Variants in SEC31A observed in about 807,000 individuals in gnomAD.
SEC31A encodes the protein SEC31 homolog A, COPII component.
Under a neutral mutation model 151.0 loss-of-function variants are expected in SEC31A, and 70 were observed. That is an observed-to-expected ratio of 0.46 (90% CI 0.38 to 0.57). The LOEUF (loss-of-function observed/expected upper bound fraction) is 0.57. SEC31A is among the 20% of genes least tolerant of loss of function. The pLI is 0.00. For missense variants in SEC31A, 1,330 were observed against 1,471.2 expected (o/e 0.90, Z 1.57); for synonymous variants, 475 against 505.9 (o/e 0.94, Z 0.82).
At chr4:82,845,262 C>CT (rs1729809147) in intron 20 of SEC31A, 1 of 1,533,508 alleles carries the variant, frequency 6.5e-7, no homozygotes, top group Non-Finnish European at 8.7e-7. Flanking sequence ...AGTTTTGTTA[C>CT]TCCAGGTAGT....
chr4:82,868,316 T>C (rs1022445747), intron 8 of SEC31A, among the ~76,000 whole-genome samples: 1 of 151,750 alleles, frequency 6.6e-6, no homozygotes, highest in Non-Finnish European at 1.5e-5. Context: ...ATGGGGAACA[T>C]GGCAAAACCC....
chr4:82,843,297 C>T (rs1729331917), intron 21 of SEC31A, among the ~76,000 whole-genome samples: 3 of 152,148 alleles, frequency 2.0e-5, no homozygotes, highest in African/African-American at 4.8e-5. Context: ...CCACACCCAC[C>T]TAATTTTTAC....
chr4:82,891,799 T>C (rs956858885), upstream of SEC31A, among the ~76,000 whole-genome samples: 1 of 152,252 alleles, frequency 6.6e-6, no homozygotes, highest in African/African-American at 2.4e-5. Flanking sequence ...ACTCACCTTC[T>C]GCCACTGTTT....
rs35739017 is a variant in SEC31A at position 82,827,497 on chromosome 4, G to T, written c.3163C>A (p.Pro1055Thr). 2,167 of 1,614,218 alleles carry T rather than the reference G, an allele frequency of 1.3e-3. 37 individuals carry two copies. The African/African-American group carries it at 0.026, about 20-fold the overall frequency. ...PLSSQSSFPQ[P>T]HLPGGQPFHG... is the part of the protein sequence containing the mutation. ...AAGGGCTGGCCACCTGGAAGATGTG[G>T]CTGTGGGAATGAAGACTGGCTTGAC... Residue 1055 changes from proline to threonine, a missense_variant, in exon 24 of 27, where the codon CCA becomes ACA. Physicochemically the swap from Pro to Thr is conservative, Grantham distance 38. Coordinates refer to ENST00000395310, the MANE Select transcript of SEC31A (RefSeq NM_001077207.4).
At chr4:82,873,852 A>C (rs923827934) in intron 6 of SEC31A, among the ~76,000 whole-genome samples, 1 of 152,218 alleles carries the variant, frequency 6.6e-6, no homozygotes, top group Non-Finnish European at 1.5e-5. Context: ...AATGTGCTCT[A>C]TGGGTAAGTG....
At chr4:82,829,080 G>A (rs978766054) in intron 22 of SEC31A, 22 bp from the exon 23 acceptor site, 6 of 1,596,882 alleles carry the variant, frequency 3.8e-6, no homozygotes, top group Non-Finnish European at 5.1e-6. Flanking sequence ...AACAGAGAAT[G>A]TTTTCCTTTA....
chr4:82,891,326 G>T, upstream of SEC31A: 1 of 766,834 alleles, frequency 1.3e-6, no homozygotes, highest in Non-Finnish European at 2.1e-6. Context: ...TGGGAGGCGG[G>T]GTACGGCTCC....
rs1005431593 is a variant in SEC31A at position 82,818,547 on chromosome 4, G to A, written c.*527C>T. 2.0e-5 allele frequency: 3 copies of A among 152,180 alleles called. No individual in the cohort carries two copies. The highest frequency in any genetic ancestry group is 3.8e-4 in the East Asian group (2 of 5,196). 9.4% of individuals were successfully genotyped at this position (152,180 alleles called of 1,614,324 possible). ...AGTGATCCCATTTTTATTAATATCTGCTAAAACCCATGTAGCAGTTTGTAG... is the reference window on the plus strand; with the variant it reads ...AGTGATCCCATTTTTATTAATATCTACTAAAACCCATGTAGCAGTTTGTAG... On this transcript the variant is annotated 3_prime_UTR_variant, in exon 27 of 27. Transcript: ENST00000395310.
At chr4:82,871,394 C>T (rs1267639467) in intron 7 of SEC31A, 1 of 1,525,360 alleles carries the variant, frequency 6.6e-7, no homozygotes, top group Non-Finnish European at 8.8e-7. Flanking sequence ...AATCTAACTG[C>T]AGTAAGTCGT....
intron 24 of SEC31A, among the ~76,000 whole-genome samples, chr4:82,825,459 G>C (rs1008589449): frequency 2.6e-5 from 4 of 152,216 alleles, no homozygotes; most frequent in Non-Finnish European, 5.9e-5. Context: ...GAAGGGAAGG[G>C]AAGGCTCTCT....
intron 22 of SEC31A, among the ~76,000 whole-genome samples, chr4:82,841,864 C>T (rs1395282573): frequency 4.7e-5 from 7 of 150,264 alleles, no homozygotes; most frequent in African/African-American, 9.8e-5. Flanking sequence ...CCCAGCTACT[C>T]GGGAGGCTGA....
intron 25 of SEC31A, among the ~76,000 whole-genome samples, chr4:82,823,543 A>G (rs2148939952): frequency 6.6e-6 from 1 of 152,354 alleles, no homozygotes; most frequent in East Asian, 1.9e-4. Context: ...AATAAGATCT[A>G]GAAGATGTTT....
chr4:82,855,253 T>G (rs1732377623), intron 16 of SEC31A, among the ~76,000 whole-genome samples: 1 of 151,982 alleles, frequency 6.6e-6, no homozygotes, highest in Non-Finnish European at 1.5e-5. Context: ...GAAGGAAAAA[T>G]ATAAGGTGCT....
chr4:82,895,379 A>G (rs1039723588), upstream of SEC31A: 1 of 152,260 alleles, frequency 6.6e-6, no homozygotes, highest in African/African-American at 2.4e-5. Context: ...CTGGGCCACA[A>G]TAACTATTTG....
chr4:82,892,274 GT>G (rs1465720920), upstream of SEC31A, among the ~76,000 whole-genome samples: 2 of 152,198 alleles, frequency 1.3e-5, no homozygotes, highest in Non-Finnish European at 2.9e-5. Context: ...ATTGGGATTT[GT>G]TTTTGATTAG....
chr4:82,859,142 C>T (rs1733489422), intron 14 of SEC31A, among the ~76,000 whole-genome samples: 2 of 151,288 alleles, frequency 1.3e-5, no homozygotes, highest in Admixed American at 1.3e-4. Context: ...AAAAAAAAAT[C>T]ACATGGTACC....
intron 19 of SEC31A, among the ~76,000 whole-genome samples, chr4:82,850,675 C>A (rs891161653): frequency 6.6e-6 from 1 of 152,168 alleles, no homozygotes; most frequent in Non-Finnish European, 1.5e-5. Context: ...CTCACCCGTA[C>A]TTTTACCCAT....
chr4:82,870,403 C>T lies in SEC31A; in HGVS notation c.804G>A (p.Trp268Ter). ...GTAACAATTCAGGATCTGCCATGCT[C>T]CAAGCAATTGCCAAAATCCCCCTAT... ...NHARGILAIA[W>*]SMADPELLLS... Residue 268 changes from tryptophan to a stop codon, truncating the protein, a stop_gained, in exon 8 of 27, where the codon TGG becomes TGA. Transcript: ENST00000395310. LOFTEE classifies it high-confidence loss of function. The T allele has an allele frequency of 6.2e-7, 1 of 1,613,392 alleles. No individual in the cohort carries two copies. Among genetic ancestry groups the T allele is most frequent in the Non-Finnish European group, 8.5e-7 (1 of 1,179,568 alleles).
At chr4:82,852,497 C>T (rs554251151) in intron 18 of SEC31A, among the ~76,000 whole-genome samples, 2 of 152,308 alleles carry the variant, frequency 1.3e-5, no homozygotes, top group East Asian at 1.9e-4. Flanking sequence ...GCCTACCTTT[C>T]TGCCTTTCCT....
Sources: allele counts gnomAD v4.1 joint callset (sites outside exome capture counted in the v4.1 genomes callset), GRCh38; gene constraint gnomAD v4.1.1; transcripts MANE v1.5; gene names NCBI Gene and HGNC (gene_info 2026-07-23, HGNC 2026-07-21).